PXDNL: variants seen among roughly 807,000 people sequenced by gnomAD.
The protein encoded by PXDNL is probable oxidoreductase PXDNL.
In PXDNL, 145 loss-of-function variants were observed where a neutral mutation model predicts 150.8. The ratio of observed to expected loss-of-function variants is 0.96; its 90% confidence interval spans 0.84 to 1.10. The LOEUF (loss-of-function observed/expected upper bound fraction) is 1.10. Among genes scored for constraint, PXDNL ranks in the 50% least tolerant of loss-of-function variants. The pLI, the probability that PXDNL is intolerant of heterozygous loss-of-function variation, is 0.00. For synonymous variants in PXDNL, 757 were observed against 725.7 expected, an observed-to-expected ratio of 1.04 and a Z score of -0.69; for missense variants, 2,087 against 1,873.9, an observed-to-expected ratio of 1.11 and a Z score of -2.10.
chr8:51,679,859 A>T (rs542328845), intron 1 of PXDNL, among the ~76,000 whole-genome samples: 5 of 152,292 alleles, frequency 3.3e-5, no homozygotes, highest in African/African-American at 1.2e-4. Context: ...ACTTCACCAG[A>T]GTCAGGATGC....
intron 1 of PXDNL, among the ~76,000 whole-genome samples, chr8:51,684,062 CA>C (rs1284580601): frequency 3.9e-5 from 6 of 152,278 alleles, no homozygotes; most frequent in African/African-American, 9.6e-5. Flanking sequence ...AATATGACAC[CA>C]ATATCTATGC....
intron 1 of PXDNL, among the ~76,000 whole-genome samples, chr8:51,792,254 T>C (rs1371903461): frequency 6.6e-6 from 1 of 151,752 alleles, no homozygotes; most frequent in Non-Finnish European, 1.5e-5. Flanking sequence ...TGGGACTGAC[T>C]AGGTGGTTGG....
intron 1 of PXDNL, among the ~76,000 whole-genome samples, chr8:51,673,000 A>C (rs1044399830): frequency 2.6e-5 from 4 of 152,196 alleles, no homozygotes; most frequent in African/African-American, 9.7e-5. Flanking sequence ...ATGCAGATAA[A>C]TCATATTAGA....
At chr8:51,638,937 A>G (rs369419904) in intron 2 of PXDNL, among the ~76,000 whole-genome samples, 1 of 152,138 alleles carries the variant, frequency 6.6e-6, no homozygotes, top group Non-Finnish European at 1.5e-5. Flanking sequence ...CCAAAATTGA[A>G]CACATAGTTG....
At chr8:51,348,652 A>T (rs1181091823) in intron 19 of PXDNL, among the ~76,000 whole-genome samples, 4 of 152,148 alleles carry the variant, frequency 2.6e-5, no homozygotes, top group African/African-American at 7.2e-5. Flanking sequence ...ATATGCATAC[A>T]TATATATCTA....
chr8:51,609,958 C>T (rs1426417572), intron 2 of PXDNL, among the ~76,000 whole-genome samples: 2 of 152,180 alleles, frequency 1.3e-5, no homozygotes, highest in Admixed American at 6.5e-5. Flanking sequence ...GTTTTTCACT[C>T]GCTTGTGACC....
chr8:51,596,635 T>A (rs1813573069), intron 2 of PXDNL, among the ~76,000 whole-genome samples: 1 of 152,218 alleles, frequency 6.6e-6, no homozygotes, highest in African/African-American at 2.4e-5. Flanking sequence ...GTGGTTTTGA[T>A]TTGCTTTCAT....
chr8:51,654,578 G>A, intron 2 of PXDNL, 111 bp downstream of exon 2: 3 of 765,196 alleles, frequency 3.9e-6, no homozygotes, highest in Non-Finnish European at 6.8e-6. Context: ...CATCTACAAG[G>A]TGTCATTCTT....
chr8:51,719,608 C>G (rs1035244980), intron 1 of PXDNL, among the ~76,000 whole-genome samples: 2 of 151,496 alleles, frequency 1.3e-5, no homozygotes, highest in African/African-American at 4.9e-5. Flanking sequence ...CCAAATCCCC[C>G]TCTGCGAGAA....
At chr8:51,440,273 C>T (rs374333172) in intron 12 of PXDNL, among the ~76,000 whole-genome samples, 21 of 151,956 alleles carry the variant, frequency 1.4e-4, no homozygotes, top group African/African-American at 4.6e-4. Flanking sequence ...TTTGGGGATT[C>T]GGGGGAAAGG....
chr8:51,463,238 A>G (rs1036558610), intron 8 of PXDNL, among the ~76,000 whole-genome samples: 1 of 152,212 alleles, frequency 6.6e-6, no homozygotes, highest in African/African-American at 2.4e-5. Flanking sequence ...AAGCCTACCA[A>G]ACAACAAGCT....
intron 4 of PXDNL, among the ~76,000 whole-genome samples, chr8:51,540,762 C>T (rs961700563): frequency 1.3e-5 from 2 of 152,068 alleles, no homozygotes; most frequent in Non-Finnish European, 2.9e-5. Flanking sequence ...CTTCTTTATA[C>T]TTACTTTCTG....
chr8:51,673,953 TAAG>T (rs1422850208), intron 1 of PXDNL, among the ~76,000 whole-genome samples: 1 of 152,188 alleles, frequency 6.6e-6, no homozygotes, highest in Non-Finnish European at 1.5e-5. Flanking sequence ...AATAAGAACT[TAAG>T]AAGTTATTTT....
intron 19 of PXDNL, among the ~76,000 whole-genome samples, chr8:51,356,525 T>C (rs1806515835): frequency 6.7e-6 from 1 of 150,214 alleles, no homozygotes; most frequent in Non-Finnish European, 1.5e-5. Flanking sequence ...AATCCGTACC[T>C]AAGATAGCTA....
intron 1 of PXDNL, among the ~76,000 whole-genome samples, chr8:51,789,470 A>G (rs1169729483): frequency 1.3e-5 from 2 of 152,144 alleles, no homozygotes; most frequent in Non-Finnish European, 2.9e-5. Context: ...GCTCTTGGAT[A>G]TAGTCTTCAT....
intron 1 of PXDNL, among the ~76,000 whole-genome samples, chr8:51,668,541 C>G (rs138208069): frequency 1.3e-5 from 2 of 152,046 alleles, no homozygotes; most frequent in Non-Finnish European, 2.9e-5. Context: ...AGCACTCTTA[C>G]GAGAAGGATT....
intron 1 of PXDNL, among the ~76,000 whole-genome samples, chr8:51,756,393 G>GAAA: frequency 1.1e-5 from 1 of 88,730 alleles, no homozygotes; most frequent in South Asian, 3.3e-4. Context: ...CCCCATCACA[G>GAAA]AAAAAAAAAA....
Position 51,453,771 on chromosome 8 carries a change from CA to C in PXDNL, c.996del (p.Phe332LeufsTer2). ...RYSSLPAKPS[F>X]VIQPQDTEVL... ...ACCTCTGTGTCCTGAGGCTGGATTACAAAGCTTGGTTTGGCTGATGGTAAAG... is the reference window on the plus strand; with the variant it reads ...ACCTCTGTGTCCTGAGGCTGGATTACAAGCTTGGTTTGGCTGATGGTAAAG... On this transcript the variant is annotated frameshift_variant, in exon 10 of 23. Transcript: ENST00000356297. LOFTEE classifies it high-confidence loss of function. The C allele has an allele frequency of 6.2e-7, 1 of 1,613,836 alleles. No individual in the cohort carries two copies. Among genetic ancestry groups the C allele is most frequent in the Non-Finnish European group, 8.5e-7 (1 of 1,179,826 alleles).
intron 2 of PXDNL, among the ~76,000 whole-genome samples, chr8:51,613,162 T>C (rs1391937071): frequency 6.6e-6 from 1 of 151,944 alleles, no homozygotes; most frequent in African/African-American, 2.4e-5. Flanking sequence ...TATTCTCAGG[T>C]TTCAGATCTG....
Sources: gnomAD v4.1 joint callset for allele counts (sites outside exome capture counted in the v4.1 genomes callset) on GRCh38, gnomAD v4.1.1 for gene constraint, MANE v1.5 for transcripts, NCBI Gene and HGNC (gene_info 2026-07-23, HGNC 2026-07-21) for gene names.